GLRB: variants seen among roughly 807,000 people sequenced by gnomAD.
GLRB encodes the protein glycine receptor beta, also known as glycine receptor subunit beta.
Under a neutral mutation model 54.2 loss-of-function variants are expected in GLRB, and 33 were observed. The observed-to-expected ratio is 0.61, with a 90% CI of 0.46 to 0.81. The LOEUF (loss-of-function observed/expected upper bound fraction) is 0.81, where lower values mean the gene tolerates loss of function less well. GLRB is among the 40% of genes least tolerant of loss of function. The pLI, the probability that GLRB is intolerant of heterozygous loss-of-function variation, is 0.00. For synonymous variants in GLRB, 209 were observed against 208.2 expected (o/e 1.00, Z -0.03); for missense variants, 572 against 584.6 (o/e 0.98, Z 0.22).
In GLRB at chr4:157,078,136, C is replaced by G. The variant is rs1183304446; in HGVS notation, c.112C>G (p.Leu38Val). ...AGGGAAGGGGAAAAAGAAGCAGTAT[C>G]TATGCCCATCGTATGTTCTTCATGT... is the stretch of plus-strand genomic sequence containing the variant. ...KKGKGKKKQYLCPSQQSAEDL... is the reference protein window; with the variant it reads ...KKGKGKKKQYVCPSQQSAEDL... The change falls in exon 2 of 10, where the codon CTA becomes GTA. Residue 38 changes from leucine (L) to valine (V), a missense_variant. Physicochemically the swap from Leu to Val is conservative, Grantham distance 32 (BLOSUM62 1). Coordinates refer to ENST00000264428, the MANE Select transcript of GLRB (RefSeq NM_000824.5). 6.2e-7 allele frequency: 1 copy of G among 1,612,248 alleles called. No individual in the cohort carries two copies. The highest frequency in any genetic ancestry group is 8.5e-7 in the Non-Finnish European group (1 of 1,178,588).
At chr4:157,160,022 A>G (rs1046695089) in intron 9 of GLRB, among the ~76,000 whole-genome samples, 7 of 152,004 alleles carry the variant, frequency 4.6e-5, no homozygotes, top group African/African-American at 1.7e-4. Flanking sequence ...TCTGCTATTG[A>G]TCTATTCAGG....
At chr4:157,154,915 G>A (rs75288660) in intron 9 of GLRB, among the ~76,000 whole-genome samples, 12,557 of 152,050 alleles carry the variant, frequency 0.083, 1,718 homozygotes, top group African/African-American at 0.29. Context: ...GTTTAAAAAT[G>A]TTACCTCTCT....
chr4:157,085,845 C>T (rs1315341301), intron 2 of GLRB, among the ~76,000 whole-genome samples: 1 of 152,196 alleles, frequency 6.6e-6, no homozygotes, highest in Non-Finnish European at 1.5e-5. Flanking sequence ...CAATATCGTA[C>T]TACCAGATGG....
At chr4:157,098,535 G>A (rs1051379110) in intron 2 of GLRB, among the ~76,000 whole-genome samples, 10 of 152,266 alleles carry the variant, frequency 6.6e-5, no homozygotes, top group African/African-American at 2.4e-4. Flanking sequence ...TGATTCTTAG[G>A]AGGGGCCATT....
chr4:157,091,206 C>A (rs1734599060), intron 2 of GLRB, among the ~76,000 whole-genome samples: 1 of 152,010 alleles, frequency 6.6e-6, no homozygotes. Context: ...GCGTGCAGCA[C>A]AATGATTTAT....
At chr4:157,102,785 C>A (rs1310223513) in intron 2 of GLRB, among the ~76,000 whole-genome samples, 1 of 152,106 alleles carries the variant, frequency 6.6e-6, no homozygotes, top group East Asian at 1.9e-4. Flanking sequence ...AGGTTGTATG[C>A]AAGCAAACAT....
intron 2 of GLRB, among the ~76,000 whole-genome samples, chr4:157,085,239 T>G (rs1015382705): frequency 6.6e-6 from 1 of 152,080 alleles, no homozygotes; most frequent in Non-Finnish European, 1.5e-5. Context: ...GCTCTTACCA[T>G]TATTTTATTT....
chr4:157,138,156 C>A (rs552773765), intron 6 of GLRB, among the ~76,000 whole-genome samples: 1 of 152,178 alleles, frequency 6.6e-6, no homozygotes, highest in Non-Finnish European at 1.5e-5. Flanking sequence ...ACTGCAACCT[C>A]CACTTTGCGG....
chr4:157,077,871 C>T, intron 1 of GLRB, 125 bp from the exon 2 acceptor site: 1 of 614,850 alleles, frequency 1.6e-6, no homozygotes, highest in South Asian at 1.9e-5. Context: ...TAGGACTGAG[C>T]AATGAGGATT....
chr4:157,142,180 A>G (rs1736641510), intron 7 of GLRB, among the ~76,000 whole-genome samples: 1 of 152,068 alleles, frequency 6.6e-6, no homozygotes, highest in Non-Finnish European at 1.5e-5. Context: ...TTAGAAACAT[A>G]TGTTCTTATT....
chr4:157,091,266 C>T (rs1734600705), intron 2 of GLRB: 1 of 152,148 alleles, frequency 6.6e-6, no homozygotes, highest in South Asian at 2.1e-4. Flanking sequence ...TAAGTTTCAA[C>T]ATTTAATAAA....
chr4:157,078,264 A>T (rs1399346674), intron 2 of GLRB, 118 bp downstream of exon 2: 5 of 1,523,842 alleles, frequency 3.3e-6, no homozygotes, highest in South Asian at 2.4e-5. Context: ...ATGTATATCC[A>T]TCTGTTACAG....
intron 2 of GLRB, among the ~76,000 whole-genome samples, chr4:157,105,499 T>A (rs1427766917): frequency 2.6e-5 from 4 of 152,126 alleles, no homozygotes; most frequent in Admixed American, 2.6e-4. Flanking sequence ...TCTTCTGCTG[T>A]TGGATGAAAT....
intron 2 of GLRB, among the ~76,000 whole-genome samples, chr4:157,114,535 G>T (rs1735537248): frequency 6.6e-6 from 1 of 151,334 alleles, no homozygotes; most frequent in South Asian, 2.1e-4. Flanking sequence ...ATAAGTCAAG[G>T]CCATTCTTTA....
chr4:157,170,031 G>C (rs1737858606), intron 9 of GLRB, among the ~76,000 whole-genome samples: 1 of 152,136 alleles, frequency 6.6e-6, no homozygotes, highest in Non-Finnish European at 1.5e-5. Flanking sequence ...TCAAAGGCTA[G>C]TAATATCAGA....
At chr4:157,159,500 A>G (rs1344784911) in intron 9 of GLRB, among the ~76,000 whole-genome samples, 2 of 152,162 alleles carry the variant, frequency 1.3e-5, no homozygotes, top group Non-Finnish European at 2.9e-5. Context: ...ATTTTGAGAT[A>G]TGTCCCATCA....
chr4:157,090,979 A>G (rs1224611156), intron 2 of GLRB, among the ~76,000 whole-genome samples: 1 of 152,146 alleles, frequency 6.6e-6, no homozygotes, highest in Admixed American at 6.5e-5. Context: ...TTCACTTTTG[A>G]AAAATATTTT....
intron 7 of GLRB, 118 bp from the exon 8 acceptor site, chr4:157,143,683 TGAGGCA>T: frequency 3.2e-6 from 3 of 938,070 alleles, no homozygotes; most frequent in Admixed American, 4.5e-5. Context: ...AACTTTTTTT[TGAGGCA>T]TTTCCTCTGT....
intron 7 of GLRB, among the ~76,000 whole-genome samples, chr4:157,140,386 C>G (rs145436006): frequency 6.6e-6 from 1 of 151,860 alleles, no homozygotes; most frequent in East Asian, 1.9e-4. Context: ...TTAAATGTCA[C>G]CAGGCAAATT....
Sources: gnomAD v4.1 joint callset for allele counts (sites outside exome capture counted in the v4.1 genomes callset) on GRCh38, gnomAD v4.1.1 for gene constraint, MANE v1.5 for transcripts, NCBI Gene and HGNC (gene_info 2026-07-23, HGNC 2026-07-21) for gene names.